The following IGSF23 variants were observed in gnomAD, a reference collection of about 807,000 sequenced individuals.
IGSF23 encodes immunoglobulin superfamily, member 23.
In IGSF23, 14 loss-of-function variants were observed where a neutral mutation model predicts 17.8. That is an observed-to-expected ratio of 0.79 (90% CI 0.52 to 1.23). The LOEUF is 1.23. IGSF23 is among the 50% of genes most tolerant of loss of function. The pLI is 0.00. For missense variants in IGSF23, 214 were observed against 241.7 expected (o/e 0.89, Z 0.76); for synonymous variants, 85 against 92.5 (o/e 0.92, Z 0.46).
At chr19:44,616,998 G>C (rs1972395924) in intron 1 of IGSF23, among the ~76,000 whole-genome samples, 1 of 151,816 alleles carries the variant, frequency 6.6e-6, no homozygotes, top group South Asian at 2.1e-4. Flanking sequence ...TCCTGGACTT[G>C]AGGAATCTTC....
At chr19:44,630,374 T>C (rs915982995) in intron 3 of IGSF23, among the ~76,000 whole-genome samples, 1 of 152,238 alleles carries the variant, frequency 6.6e-6, no homozygotes, top group African/African-American at 2.4e-5. Flanking sequence ...GGTGCTATTA[T>C]TGTCGTCATT....
chr19:44,628,867 G>A (rs1226914002), intron 3 of IGSF23, among the ~76,000 whole-genome samples: 4 of 152,180 alleles, frequency 2.6e-5, no homozygotes, highest in African/African-American at 9.7e-5. Flanking sequence ...CATTTAACGA[G>A]TCAGGGAAGG....
At chr19:44,635,536 A>G in intron 4 of IGSF23, 71 bp downstream of exon 4, 1 of 1,056,462 alleles carries the variant, frequency 9.5e-7, no homozygotes, top group Non-Finnish European at 1.4e-6. Flanking sequence ...CAGAGACTCC[A>G]TATGTGATTT....
At chr19:44,617,653 T>C (rs145941597) in intron 1 of IGSF23, among the ~76,000 whole-genome samples, 2 of 152,352 alleles carry the variant, frequency 1.3e-5, no homozygotes, top group African/African-American at 2.4e-5. Flanking sequence ...CATTGATTTA[T>C]AACCCTTTAT....
At chr19:44,626,490 C>T (rs1419699025) in intron 2 of IGSF23, among the ~76,000 whole-genome samples, 7 of 152,186 alleles carry the variant, frequency 4.6e-5, no homozygotes, top group Non-Finnish European at 1.5e-5. Flanking sequence ...CCAGTGTCCA[C>T]AGACAGTGAT....
At position 44,622,463 on chromosome 19, in the gene IGSF23, C is replaced by G. The variant is rs568568819; in HGVS notation, c.126-1244C>G. Among the ~76,000 whole-genome samples the G allele has an allele frequency of 7.9e-5, 12 of 152,296 alleles. No individual in the cohort carries two copies. The South Asian group carries it at 1.7e-3, about 21-fold the overall frequency. On this transcript the variant is annotated intron_variant, in intron 1 of 4. Transcript: ENST00000402988. ...GATGTGTCCCTACTAGACCACGAAG[C>G]CTGGCCCTAATGAGCCCCAAACCTC...
At chr19:44,633,399 A>G (rs1599745561) in intron 3 of IGSF23, among the ~76,000 whole-genome samples, 1 of 152,214 alleles carries the variant, frequency 6.6e-6, no homozygotes, top group Non-Finnish European at 1.5e-5. Flanking sequence ...TTCTAGTCTC[A>G]TGCTAGGGAC....
At chr19:44,615,531 G>A (rs909703725) in intron 1 of IGSF23, among the ~76,000 whole-genome samples, 1 of 151,832 alleles carries the variant, frequency 6.6e-6, no homozygotes, top group Non-Finnish European at 1.5e-5. Context: ...GCTGAGGCAG[G>A]AGAATTGCTT....
intron 1 of IGSF23, among the ~76,000 whole-genome samples, chr19:44,623,085 G>A (rs376510738): frequency 4.6e-5 from 7 of 152,132 alleles, no homozygotes; most frequent in South Asian, 2.1e-4. Context: ...CAGCAACAGC[G>A]TCTGTTTAAT....
chr19:44,628,358 G>A (rs558915533), intron 3 of IGSF23, among the ~76,000 whole-genome samples: 2 of 152,266 alleles, frequency 1.3e-5, no homozygotes, highest in Middle Eastern at 3.4e-3. Flanking sequence ...TGAGGATACC[G>A]AGGGAAGAAA....
In IGSF23 at chr19:44,616,376, C is replaced by T. The variant is rs146164402; in HGVS notation, c.125+2606C>T. Reference sequence around the variant, plus strand: ...TTTTTGTGATGCCTTGTAAGAATTGCTGAACATAATTCTACTTTTTGTTTA... The same window carrying T: ...TTTTTGTGATGCCTTGTAAGAATTGTTGAACATAATTCTACTTTTTGTTTA... On this transcript the variant is annotated intron_variant, in intron 1 of 4. Coordinates refer to ENST00000402988, the MANE Select transcript of IGSF23 (RefSeq NM_001205280.2). Among the ~76,000 whole-genome samples the T allele has an allele frequency of 6.5e-3, 993 of 152,136 alleles. 9 individuals carry two copies. The highest frequency in any genetic ancestry group is 0.021 in the African/African-American group (882 of 41,500).
intron 1 of IGSF23, among the ~76,000 whole-genome samples, chr19:44,621,942 C>T (rs563631941): frequency 1.3e-5 from 2 of 152,090 alleles, no homozygotes; most frequent in East Asian, 1.9e-4. Flanking sequence ...CAATCCATGG[C>T]CGGGTATGGT....
chr19:44,624,899 CAAAAAAAAAAAAA>C (rs71171273), intron 2 of IGSF23, among the ~76,000 whole-genome samples: 1 of 87,742 alleles, frequency 1.1e-5, no homozygotes, highest in Non-Finnish European at 2.2e-5. Flanking sequence ...CTGTCTCTAC[CAAAAAAAAAAAAA>C]AAAAAAAAAA....
rs568597623 is a variant in IGSF23 at position 44,616,552 on chromosome 19, C to T, written c.125+2782C>T. Among the ~76,000 whole-genome samples the T allele has an allele frequency of 3.0e-4, 46 of 151,958 alleles. No individual in the cohort carries two copies. The South Asian group carries it at 7.9e-3, about 26-fold the overall frequency. On this transcript the variant is annotated intron_variant, in intron 1 of 4. Coordinates refer to ENST00000402988, the MANE Select transcript of IGSF23 (RefSeq NM_001205280.2). The stretch of plus-strand genomic sequence containing the variant: ...CTCTACTAAAATACAAAAAAATTAG[C>T]TGGGCGTGGTGGCGCACGCCTGTAG...
At chr19:44,620,183 C>T (rs1331060841) in intron 1 of IGSF23, among the ~76,000 whole-genome samples, 7 of 151,590 alleles carry the variant, frequency 4.6e-5, no homozygotes, top group African/African-American at 1.5e-4. Flanking sequence ...GAAGTAGAAT[C>T]GCTTGAACCT....
chr19:44,617,450 GA>G (rs1286097877), intron 1 of IGSF23, among the ~76,000 whole-genome samples: 1 of 152,100 alleles, frequency 6.6e-6, no homozygotes, highest in Admixed American at 6.5e-5. Context: ...ATAAGTACAT[GA>G]GGTAATGCAT....
At chr19:44,626,017 T>A (rs1011691760) in intron 2 of IGSF23, among the ~76,000 whole-genome samples, 54 of 152,168 alleles carry the variant, frequency 3.5e-4, no homozygotes, top group African/African-American at 1.2e-3. Flanking sequence ...TCCTTTTTTT[T>A]AATAAAGTAC....
At chr19:44,630,752 G>A (rs1599742944) in intron 3 of IGSF23, among the ~76,000 whole-genome samples, 1 of 152,202 alleles carries the variant, frequency 6.6e-6, no homozygotes. Flanking sequence ...CCAGTGAGGA[G>A]GAACATTTCT....
Position 44,623,758 on chromosome 19 carries a change from C to T in IGSF23, c.177C>T (p.Ile59=), listed in dbSNP as rs1475853447. The T allele has an allele frequency of 1.9e-6, 3 of 1,550,948 alleles. No homozygotes were observed. The highest frequency in any genetic ancestry group is 2.6e-6 in the Non-Finnish European group (3 of 1,147,100). Reference sequence around the variant, plus strand: ...TCCCAGCTGCTATCCGGGGAGTCATCCAGAGTGAGCTCAACTATTCTGTGA... The same window carrying T: ...TCCCAGCTGCTATCCGGGGAGTCATTCAGAGTGAGCTCAACTATTCTGTGA... The part of the protein sequence containing the change: ...KTFPAAIRGV[I]QSELNYSVIL... Residue 59 remains isoleucine (I), a synonymous_variant, in exon 2 of 5, where the codon ATC becomes ATT. Transcript: ENST00000402988.
Sources: allele counts gnomAD v4.1 joint callset (sites outside exome capture counted in the v4.1 genomes callset), GRCh38; gene constraint gnomAD v4.1.1; transcripts MANE v1.5; gene names NCBI Gene and HGNC (gene_info 2026-07-23, HGNC 2026-07-21).